The following TEX11 variants were observed in gnomAD, a reference collection of about 807,000 sequenced individuals.
TEX11 encodes testis expressed 11.
A neutral mutation model predicts 84.4 loss-of-function variants in TEX11; 7 were observed. The ratio of observed to expected loss-of-function variants is 0.08; its 90% CI spans 0.05 to 0.16. The LOEUF (loss-of-function observed/expected upper bound fraction) is 0.16, where lower values mean the gene tolerates loss of function less well. TEX11 is among the 10% of genes least tolerant of loss of function. TEX11 has a pLI of 1.00. For synonymous variants in TEX11, 264 were observed against 222.8 expected (o/e 1.18, Z -1.64); for missense variants, 551 against 660.5 (o/e 0.83, Z 1.82).
intron 28 of TEX11, among the ~76,000 whole-genome samples, chrX:70,547,613 T>C (rs1306550559): frequency 1.8e-5 from 2 of 111,614 alleles, no homozygotes; most frequent in African/African-American, 3.3e-5. Context: ...GCAAAGGATA[T>C]GAACAGACAC....
At chrX:70,830,820 CAA>C (rs2091373243) in intron 8 of TEX11, among the ~76,000 whole-genome samples, 1 of 111,667 alleles carries the variant, frequency 9.0e-6, no homozygotes, top group African/African-American at 3.3e-5. Context: ...TAAGTGTTGG[CAA>C]GGGCATGGAG....
intron 11 of TEX11, among the ~76,000 whole-genome samples, chrX:70,735,057 A>AT (rs988162707): frequency 1.6e-3 from 170 of 106,559 alleles, no homozygotes; most frequent in Middle Eastern, 4.9e-3. Flanking sequence ...AAAAAATATG[A>AT]TTTTTTTTTT....
At chrX:70,849,696 T>C (rs776130032) in intron 7 of TEX11, among the ~76,000 whole-genome samples, 263 of 111,977 alleles carry the variant, frequency 2.3e-3, no homozygotes, top group South Asian at 0.017. Flanking sequence ...GTCTTAGAAA[T>C]GAAAAATTAA....
rs1160424940 is a variant in TEX11, at chrX:70,848,003, C to T, written c.525+5031G>A. Among the ~76,000 whole-genome samples the T allele has an allele frequency of 3.6e-5, 4 of 111,763 alleles. No individual in the cohort carries two copies. The East Asian group carries it at 1.1e-3, about 32-fold the overall frequency. On this transcript the variant is annotated intron_variant, in intron 7 of 29. Transcript: ENST00000374333. ...AATGATTGCTTCCTTTATATGTCTC[C>T]TGTATCTGTCCCTTCTTTCCCATTC...
At chrX:70,737,472 C>G (rs2090704223) in intron 11 of TEX11, among the ~76,000 whole-genome samples, 1 of 110,271 alleles carries the variant, frequency 9.1e-6, no homozygotes, top group East Asian at 2.8e-4. Context: ...TCCTAGACAT[C>G]CAAAAAATCA....
At chrX:70,713,592 G>T (rs1215423489) in intron 13 of TEX11, among the ~76,000 whole-genome samples, 2 of 111,990 alleles carry the variant, frequency 1.8e-5, no homozygotes, top group Admixed American at 9.4e-5. Context: ...GGTGTTTGTA[G>T]TATTCTCTGA....
chrX:70,861,668 C>G (rs1009107953), intron 4 of TEX11, among the ~76,000 whole-genome samples: 1 of 109,597 alleles, frequency 9.1e-6, no homozygotes, highest in Non-Finnish European at 1.9e-5. Context: ...GGACTCACCA[C>G]GTTGACCAGG....
chrX:70,907,132 G>A (rs761674530), intron 2 of TEX11, among the ~76,000 whole-genome samples: 31 of 111,552 alleles, frequency 2.8e-4, no homozygotes, highest in Non-Finnish European at 5.1e-4. Context: ...TATTTTTCAC[G>A]GATGATTATG....
At chrX:70,512,573 C>A in the TEX11 span, among the ~76,000 whole-genome samples, 2 of 108,078 alleles carry the variant, frequency 1.9e-5, no homozygotes, top group African/African-American at 3.4e-5. Flanking sequence ...ACTTTCCCCC[C>A]ACTTTCATAG....
intron 9 of TEX11, among the ~76,000 whole-genome samples, chrX:70,774,164 T>G (rs1295524483): frequency 9.2e-6 from 1 of 109,214 alleles, no homozygotes; most frequent in African/African-American, 3.3e-5. Context: ...CGCACTGTCC[T>G]GGGGCCCAGC....
intron 2 of TEX11, among the ~76,000 whole-genome samples, chrX:70,903,985 T>C (rs1254419110): frequency 1.1e-5 from 1 of 93,577 alleles, no homozygotes; most frequent in South Asian, 6.4e-4. Context: ...CCAGCTTTTT[T>C]TTTTTTTTTT....
intron 25 of TEX11, among the ~76,000 whole-genome samples, chrX:70,578,667 C>T (rs1246775186): frequency 9.1e-6 from 1 of 109,440 alleles, no homozygotes; most frequent in African/African-American, 3.3e-5. Flanking sequence ...CATAAAGTTT[C>T]CTAAATTAAA....
chrX:70,758,061 C>A (rs2039283687), intron 9 of TEX11, among the ~76,000 whole-genome samples: 1 of 111,875 alleles, frequency 8.9e-6, no homozygotes, highest in Non-Finnish European at 1.9e-5. Flanking sequence ...ATCAGTTCAA[C>A]AAGAAGAGCT....
chrX:70,593,463 C>T (rs1313423426), intron 24 of TEX11, among the ~76,000 whole-genome samples: 2 of 112,065 alleles, frequency 1.8e-5, no homozygotes, highest in African/African-American at 6.5e-5. Flanking sequence ...CAGTTTTCAA[C>T]AGAAAATTAC....
At chrX:70,543,139 G>A (rs980965323) in intron 28 of TEX11, among the ~76,000 whole-genome samples, 1 of 110,535 alleles carries the variant, frequency 9.0e-6, no homozygotes, top group African/African-American at 3.3e-5. Context: ...CCGAGATCGC[G>A]CCACTGCACT....
At chrX:70,773,286 CTT>C (rs1167608476) in intron 9 of TEX11, among the ~76,000 whole-genome samples, 1 of 110,061 alleles carries the variant, frequency 9.1e-6, no homozygotes, top group Non-Finnish European at 1.9e-5. Context: ...AGAAAAGTGA[CTT>C]ATATAAAAGG....
At chrX:70,852,789 G>A (rs1187640316) in intron 7 of TEX11, among the ~76,000 whole-genome samples, 3 of 111,387 alleles carry the variant, frequency 2.7e-5, no homozygotes, top group Non-Finnish European at 3.8e-5. Context: ...AATGACAGAT[G>A]TTACATGCAG....
chrX:70,658,774 T>C (rs1284921684), intron 16 of TEX11, among the ~76,000 whole-genome samples: 1 of 111,137 alleles, frequency 9.0e-6, no homozygotes, highest in Non-Finnish European at 1.9e-5. Context: ...CTAAAATTCA[T>C]ATGAAGTTTC....
chrX:70,788,685 A>AACACACACACACACACAC (rs753573687), intron 9 of TEX11, among the ~76,000 whole-genome samples: 1 of 69,463 alleles, frequency 1.4e-5, no homozygotes, highest in African/African-American at 5.5e-5. Context: ...TCTCTTGGGA[A>AACACACACACACACACAC]ACACACACAC....
Sources: gnomAD v4.1 joint callset for allele counts (sites outside exome capture counted in the v4.1 genomes callset) on GRCh38, gnomAD v4.1.1 for gene constraint, MANE v1.5 for transcripts, NCBI Gene and HGNC (gene_info 2026-07-23, HGNC 2026-07-21) for gene names.